The following PITPNM3 variants were observed in gnomAD, a reference collection of about 807,000 sequenced individuals.
The protein encoded by PITPNM3 is membrane-associated phosphatidylinositol transfer protein 3.
Under a neutral mutation model 102.0 loss-of-function variants are expected in PITPNM3, and 26 were observed. The observed-to-expected ratio is 0.25, with a 90% CI of 0.19 to 0.35. The LOEUF is 0.35. Ranked by LOEUF, PITPNM3 falls within the 10% of genes least tolerant of loss-of-function variation. PITPNM3 has a pLI of 1.00. For synonymous variants in PITPNM3, 578 were observed against 558.6 expected (o/e 1.03, Z -0.49); for missense variants, 1,083 against 1,346.1 (o/e 0.80, Z 3.06).
chr17:6,501,361 T>G (rs934900506), intron 4 of PITPNM3, among the ~76,000 whole-genome samples: 1 of 152,194 alleles, frequency 6.6e-6, no homozygotes, highest in Non-Finnish European at 1.5e-5. Context: ...GGCTAATTCC[T>G]AGAGGTAATA....
At chr17:6,522,834 C>A (rs1908613941) in intron 3 of PITPNM3, among the ~76,000 whole-genome samples, 1 of 152,176 alleles carries the variant, frequency 6.6e-6, no homozygotes, top group South Asian at 2.1e-4. Context: ...TGCATAGTAA[C>A]CCCTGGCTCT....
rs541688458 is a variant in PITPNM3, at chr17:6,472,753, C to T, written c.1333G>A (p.Glu445Lys). 3 of 1,612,218 alleles carry T rather than the reference C, an allele frequency of 1.9e-6. No individual in the cohort carries two copies. The highest frequency in any genetic ancestry group is 2.2e-5 in the East Asian group (1 of 44,748). Reference sequence around the variant, plus strand: ...TGGAACTTGGGCTCCAGCAGTGGCTCGAGCCGTGAGGCAGAGGGGTCTGCG... The same window carrying T: ...TGGAACTTGGGCTCCAGCAGTGGCTTGAGCCGTGAGGCAGAGGGGTCTGCG... Reference protein sequence around the residue: ...HCADPSASRLEPLLEPKFHLV... With the variant: ...HCADPSASRLKPLLEPKFHLV... Residue 445 changes from glutamate to lysine, a missense_variant, in exon 11 of 20, where the codon GAG becomes AAG. Coordinates refer to ENST00000262483, the MANE Select transcript of PITPNM3 (RefSeq NM_031220.4). This position sits in a 1 kb window ranked among gnomAD's most constrained non-coding sequence, Gnocchi z 4.1.
At chr17:6,503,135 AGTGAT>A (rs747816028) in intron 4 of PITPNM3, among the ~76,000 whole-genome samples, 1 of 152,096 alleles carries the variant, frequency 6.6e-6, no homozygotes. Flanking sequence ...GTCACCCAAA[AGTGAT>A]GGGCACAGGG....
intron 2 of PITPNM3, among the ~76,000 whole-genome samples, chr17:6,529,877 C>T (rs1049851060): frequency 3.7e-4 from 53 of 141,990 alleles, no homozygotes; most frequent in African/African-American, 1.3e-3. Context: ...ACAGCCCATC[C>T]CCAGACATGT....
Position 6,484,219 on chromosome 17 carries a change from G to T in PITPNM3, c.348C>A (p.Ser116Arg), listed in dbSNP as rs368779193. The T allele has an allele frequency of 1.9e-6, 3 of 1,606,716 alleles. No individual in the cohort carries two copies. Among genetic ancestry groups the T allele is most frequent in the Admixed American group, 1.7e-5 (1 of 59,986 alleles). ...CACCCTCCGAAGCCCAGCCTACCTC[G>T]CTGTCTTCGTGGATCTCGATGCTTC... ...AQGSIEIHED[S>R]EEGCPQRSCK... Residue 116 changes from serine (S) to arginine (R), a missense_variant, in exon 5 of 20, where the codon AGC (serine) becomes AGA (arginine). By Grantham distance (110) the Ser-to-Arg change is moderately radical (BLOSUM62 -1). Around this residue, in one of 5 missense-constraint regions of PITPNM3, gnomAD observed 290 missense variants for 337.8 expected, o/e 0.86. Transcript: ENST00000262483.
rs1416057282 is a variant in PITPNM3, at chr17:6,452,814, G to T, written c.*2524C>A. On this transcript the variant is annotated 3_prime_UTR_variant, in exon 20 of 20. Coordinates refer to ENST00000262483, the MANE Select transcript of PITPNM3 (RefSeq NM_031220.4). ...GATCCTCCTACCTGATTGCTGCTTGGAACCAGAGCTGTTTCCAAAAGGAAG... is the reference window on the plus strand; with the variant it reads ...GATCCTCCTACCTGATTGCTGCTTGTAACCAGAGCTGTTTCCAAAAGGAAG... 1 of 152,178 alleles carries T rather than the reference G, an allele frequency of 6.6e-6. No individual in the cohort carries two copies. Among genetic ancestry groups the T allele is most frequent in the East Asian group, 1.9e-4 (1 of 5,188 alleles). 9.4% of individuals were successfully genotyped at this position (152,178 alleles called of 1,614,324 possible).
chr17:6,553,313 A>G (rs1910417640), intron 1 of PITPNM3, among the ~76,000 whole-genome samples: 2 of 152,156 alleles, frequency 1.3e-5, no homozygotes, highest in South Asian at 4.2e-4. Flanking sequence ...AATCTCCCCT[A>G]GAGATTGAGA....
intron 1 of PITPNM3, among the ~76,000 whole-genome samples, chr17:6,554,620 C>CAGGG (rs754597330): frequency 4.6e-5 from 7 of 152,192 alleles, no homozygotes; most frequent in Non-Finnish European, 1.0e-4. Flanking sequence ...ACTCTCAGCC[C>CAGGG]AGGGACCAAA....
rs1050448701 is a variant in PITPNM3, at chr17:6,500,682, T to A, written c.274+2845A>T. 5.5e-4 allele frequency among the ~76,000 whole-genome samples: 48 copies of A among 87,770 alleles called. No homozygotes were observed. In the East Asian group the frequency reaches 0.011, roughly 21 times the overall value. 57.6% of individuals were successfully genotyped at this position (87,770 alleles called of 152,430 possible). ...ATTCTTTGCTAAATAAGAACACTCTTTTTTTTTTTTTGAGATGGAGTCTCA... is the reference window on the plus strand; with the variant it reads ...ATTCTTTGCTAAATAAGAACACTCTATTTTTTTTTTTGAGATGGAGTCTCA... On this transcript the variant is annotated intron_variant, in intron 4 of 19. Coordinates refer to ENST00000262483, the MANE Select transcript of PITPNM3 (RefSeq NM_031220.4).
chr17:6,500,407 T>C (rs1029083696), intron 4 of PITPNM3, among the ~76,000 whole-genome samples: 2 of 152,202 alleles, frequency 1.3e-5, no homozygotes, highest in Non-Finnish European at 2.9e-5. Context: ...AATAAACACA[T>C]TACCATCGAT....
chr17:6,532,802 T>C (rs1909212682), intron 2 of PITPNM3, among the ~76,000 whole-genome samples: 1 of 152,056 alleles, frequency 6.6e-6, no homozygotes, highest in Admixed American at 6.5e-5. Context: ...AATGCTTTCT[T>C]TTTCTTGGGG....
intron 1 of PITPNM3, among the ~76,000 whole-genome samples, chr17:6,544,489 G>T (rs1325868555): frequency 6.6e-6 from 1 of 152,060 alleles, no homozygotes; most frequent in Non-Finnish European, 1.5e-5. Flanking sequence ...CCATGATCAT[G>T]CCACTGCCCT....
At position 6,537,926 on chromosome 17, in the gene PITPNM3, T is replaced by A. The variant is rs1909529487; in HGVS notation, c.118+61A>T. Reference sequence around the variant, plus strand: ...GGGATGCGGACCCCCAAATGGGATCTTCTTCTTGAGGCTTCTAGGAAGGTC... The same window carrying A: ...GGGATGCGGACCCCCAAATGGGATCATCTTCTTGAGGCTTCTAGGAAGGTC... On this transcript the variant is annotated intron_variant, in intron 2 of 19. Transcript: ENST00000262483. The surrounding 1 kb of genome is among the most constrained non-coding windows in gnomAD (Gnocchi z 4.4). 7.0e-7 allele frequency: 1 copy of A among 1,428,548 alleles called. No homozygotes were observed. The highest frequency in any genetic ancestry group is 1.4e-5 in the African/African-American group (1 of 70,884). 88.5% of individuals were successfully genotyped at this position (1,428,548 alleles called of 1,614,324 possible). A position where few individuals can be genotyped will look rare whatever the true frequency, so the allele number is the denominator to read the frequency against.
intron 14 of PITPNM3, among the ~76,000 whole-genome samples, chr17:6,467,211 G>C (rs6502957): frequency 0.98 from 149,776 of 152,340 alleles, 73,634 homozygotes; most frequent in East Asian, 1. Flanking sequence ...ACAGCGACCA[G>C]TTGGATGAAC....
At chr17:6,507,651 C>CCAAT (rs1907616470) in intron 3 of PITPNM3, among the ~76,000 whole-genome samples, 1 of 152,126 alleles carries the variant, frequency 6.6e-6, no homozygotes, top group Non-Finnish European at 1.5e-5. Context: ...AACAGCAAAC[C>CCAAT]CAATACCTGC....
In PITPNM3 at chr17:6,501,681, G is replaced by T. The variant is rs1346262651; in HGVS notation, c.274+1846C>A. On this transcript the variant is annotated intron_variant, in intron 4 of 19. Coordinates refer to ENST00000262483, the MANE Select transcript of PITPNM3 (RefSeq NM_031220.4). ...TCTGCCCACCACCTCCCTGGGCTCA[G>T]GTCTGCAGCCACTCTGCAAGCTCTT... 2.0e-5 allele frequency among the ~76,000 whole-genome samples: 3 copies of T among 152,100 alleles called. No homozygotes were observed. In the East Asian group the frequency reaches 5.8e-4, roughly 29 times the overall value.
At chr17:6,555,265 TA>T (rs1246829488) in intron 1 of PITPNM3, among the ~76,000 whole-genome samples, 1 of 152,146 alleles carries the variant, frequency 6.6e-6, no homozygotes, top group Non-Finnish European at 1.5e-5. Flanking sequence ...CTCAGGCACC[TA>T]AATCTTACAG....
intron 4 of PITPNM3, among the ~76,000 whole-genome samples, chr17:6,494,619 C>T (rs906417789): frequency 6.6e-5 from 10 of 152,140 alleles, no homozygotes; most frequent in African/African-American, 2.4e-4. Flanking sequence ...TACCCTAAGA[C>T]AACTTTTTTT....
Position 6,457,942 on chromosome 17 carries a change from G to A in PITPNM3, c.2491-220C>T, listed in dbSNP as rs888446888. 2.7e-5 allele frequency among the ~76,000 whole-genome samples: 4 copies of A among 149,632 alleles called. No individual in the cohort carries two copies. Among genetic ancestry groups the A allele is most frequent in the African/African-American group, 9.9e-5 (4 of 40,492 alleles). ...AGGTCTCTGCCCAGTAAACAGTCGT[G>A]ACCACACCATTTACCGGCCCCGCCT... On this transcript the variant is annotated intron_variant, in intron 18 of 19. Transcript: ENST00000262483. This position sits in a 1 kb window ranked among gnomAD's most constrained non-coding sequence, Gnocchi z 4.7.
Sources: allele counts gnomAD v4.1 joint callset (sites outside exome capture counted in the v4.1 genomes callset), GRCh38; gene constraint gnomAD v4.1.1; regional missense constraint gnomAD v4.1.1; non-coding constraint Gnocchi (gnomAD v3.1); transcripts MANE v1.5; gene names NCBI Gene and HGNC (gene_info 2026-07-23, HGNC 2026-07-21).